The following FHL2 variants were observed in gnomAD, a reference collection of about 807,000 sequenced individuals.
The protein encoded by FHL2 is four and a half LIM domains 2.
In FHL2, 20 loss-of-function variants were observed where a neutral mutation model predicts 32.7. The ratio of observed to expected loss-of-function variants is 0.61; its 90% CI spans 0.43 to 0.89. The LOEUF (loss-of-function observed/expected upper bound fraction) is 0.89. Among genes scored for constraint, FHL2 ranks in the 40% least tolerant of loss-of-function variants. The pLI is 0.00. For missense variants in FHL2, 311 were observed against 358.6 expected, an observed-to-expected ratio of 0.87 and a Z score of 1.07; for synonymous variants, 123 against 128.1, an observed-to-expected ratio of 0.96 and a Z score of 0.27.
intron 3 of FHL2, among the ~76,000 whole-genome samples, chr2:105,381,279 A>G (rs1052322987): frequency 1.3e-5 from 2 of 152,106 alleles, no homozygotes; most frequent in African/African-American, 4.8e-5. Flanking sequence ...CTTACAAATA[A>G]AGATGCAGAA....
Position 105,396,917 on chromosome 2 carries a change from C to A in FHL2, c.-75-220G>T. 3 of 525,948 alleles carry A rather than the reference C, an allele frequency of 5.7e-6. No homozygotes were observed. The South Asian group carries it at 7.9e-5, about 14-fold the overall frequency. The allele number at this position is 525,948 out of a possible 1,614,324, so 32.6% of individuals were successfully genotyped here. On this transcript the variant is annotated intron_variant, in intron 1 of 6. Coordinates refer to ENST00000530340, the MANE Select transcript of FHL2 (RefSeq NM_001318895.3). ...CAGAGAGCCGCTTAGCGACTCAGGC[C>A]CGGTGCTGACAAAGGAGGCTGCCTG...
intron 3 of FHL2, among the ~76,000 whole-genome samples, chr2:105,385,017 G>A (rs752580073): frequency 6.6e-6 from 1 of 152,228 alleles, no homozygotes; most frequent in Non-Finnish European, 1.5e-5. Context: ...ACAGGATACA[G>A]GAAGATACAC....
At chr2:105,395,573 C>T (rs74896692) in intron 2 of FHL2, among the ~76,000 whole-genome samples, 1,790 of 152,276 alleles carry the variant, frequency 0.012, 44 homozygotes, top group African/African-American at 0.042. Flanking sequence ...GTTTCTCTGG[C>T]GCACTGCAAC....
At chr2:105,390,708 A>T (rs1682663634) in intron 2 of FHL2, among the ~76,000 whole-genome samples, 1 of 152,150 alleles carries the variant, frequency 6.6e-6, no homozygotes, top group Non-Finnish European at 1.5e-5. Flanking sequence ...AAAGTCCATG[A>T]GCTAATAAGC....
At chr2:105,359,364 C>T (rs1163613464), downstream of FHL2, 1 of 152,136 alleles carries the variant, frequency 6.6e-6, no homozygotes, top group Non-Finnish European at 1.5e-5. Context: ...TCTTTTTAAG[C>T]AAAACCTCAA....
chr2:105,373,398 C>T lies in FHL2; in HGVS notation c.331+161G>A, dbSNP rs190114272. 1.2e-3 allele frequency: 831 copies of T among 717,150 alleles called. 6 individuals are homozygous for T. The African/African-American group carries it at 0.013, about 11-fold the overall frequency. The allele number at this position is 717,150 out of a possible 1,614,324, so 44.4% of individuals were successfully genotyped here. On this transcript the variant is annotated intron_variant, in intron 4 of 6. Coordinates refer to ENST00000530340, the MANE Select transcript of FHL2 (RefSeq NM_001318895.3). ...TGCCCATGATAGAACCTGTATGTCC[C>T]TGCTTCGTAAGTACTCTAAATACTC...
At chr2:105,387,648 C>A (rs1682417833) in intron 2 of FHL2, among the ~76,000 whole-genome samples, 1 of 152,214 alleles carries the variant, frequency 6.6e-6, no homozygotes, top group Non-Finnish European at 1.5e-5. Flanking sequence ...CATTTATACA[C>A]TGTGGGTGGG....
intron 1 of FHL2, among the ~76,000 whole-genome samples, chr2:105,422,646 C>CAAAA (rs10715306): frequency 7.0e-5 from 8 of 113,968 alleles, no homozygotes; most frequent in African/African-American, 2.5e-4. Context: ...TCATCTCTGG[C>CAAAA]AAAAAAAAAA....
chr2:105,360,924 T>C lies in FHL2; in HGVS notation c.*359A>G, dbSNP rs1680205119. The C allele has an allele frequency of 1.1e-5, 2 of 174,578 alleles. No homozygotes were observed. 10.8% of individuals were successfully genotyped at this position (174,578 alleles called of 1,614,324 possible). A position where few individuals can be genotyped will look rare whatever the true frequency, so the allele number is the denominator to read the frequency against. ...TGTAAATAACAACTGGTCATTACCTTATTGAGTTTAGAAAACTTTCAAGTT... is the reference window on the plus strand; with the variant it reads ...TGTAAATAACAACTGGTCATTACCTCATTGAGTTTAGAAAACTTTCAAGTT... On this transcript the variant is annotated 3_prime_UTR_variant, in exon 7 of 7. Coordinates refer to ENST00000530340, the MANE Select transcript of FHL2 (RefSeq NM_001318895.3).
intron 1 of FHL2, 140 bp from the exon 2 acceptor site, chr2:105,396,837 C>T: frequency 1.4e-6 from 1 of 701,604 alleles, no homozygotes; most frequent in Non-Finnish European, 2.4e-6. Context: ...AACCCAATGT[C>T]TAATGTTTCC....
intron 2 of FHL2, among the ~76,000 whole-genome samples, chr2:105,392,346 C>CA (rs879711564): frequency 1.3e-3 from 203 of 152,204 alleles, no homozygotes; most frequent in Non-Finnish European, 4.1e-4. Flanking sequence ...TGGTGGCATG[C>CA]ATTTGTAGTC....
At chr2:105,369,912 G>C (rs1680903514) in intron 4 of FHL2, among the ~76,000 whole-genome samples, 1 of 152,210 alleles carries the variant, frequency 6.6e-6, no homozygotes, top group Non-Finnish European at 1.5e-5. Flanking sequence ...CATGGCGCGT[G>C]CACCTCAGGC....
upstream of FHL2, among the ~76,000 whole-genome samples, chr2:105,403,493 C>T (rs1019298335): frequency 2.0e-5 from 3 of 152,168 alleles, no homozygotes; most frequent in Non-Finnish European, 2.9e-5. Flanking sequence ...CAGGGAGAGG[C>T]ACAGCTAGGA....
chr2:105,413,863 C>T (rs1683862420), intron 1 of FHL2, among the ~76,000 whole-genome samples: 1 of 152,124 alleles, frequency 6.6e-6, no homozygotes, highest in Non-Finnish European at 1.5e-5. Flanking sequence ...CTCCATATAC[C>T]AAGCAATTCT....
At position 105,363,019 on chromosome 2, in the gene FHL2, C is replaced by T. The variant is rs1054599112; in HGVS notation, c.688+266G>A. Reference sequence around the variant, plus strand: ...ACAGGCTCACAGACTGCAGTTTTAGCGATAATCCAACCCAAAGCAGAAACT... The same window carrying T: ...ACAGGCTCACAGACTGCAGTTTTAGTGATAATCCAACCCAAAGCAGAAACT... On this transcript the variant is annotated intron_variant, in intron 6 of 6. Transcript: ENST00000530340. 8.7e-5 allele frequency: 37 copies of T among 423,998 alleles called. 1 individual carries two copies. The East Asian group carries it at 1.2e-3, about 13-fold the overall frequency. The allele number at this position is 423,998 out of a possible 1,614,324, so 26.3% of individuals were successfully genotyped here.
intron 2 of FHL2, among the ~76,000 whole-genome samples, chr2:105,391,248 G>T (rs925922813): frequency 1.3e-5 from 2 of 152,084 alleles, no homozygotes; most frequent in African/African-American, 4.8e-5. Context: ...TAAAATGCAG[G>T]CCCCTCCCCT....
At chr2:105,416,857 T>C (rs908767494) in intron 1 of FHL2, among the ~76,000 whole-genome samples, 34 of 152,222 alleles carry the variant, frequency 2.2e-4, no homozygotes, top group Admixed American at 2.2e-3. Context: ...ATACTGTCAG[T>C]TGTTTCCCTT....
At chr2:105,388,410 C>G (rs1453094788) in intron 2 of FHL2, among the ~76,000 whole-genome samples, 1 of 152,116 alleles carries the variant, frequency 6.6e-6, no homozygotes, top group Non-Finnish European at 1.5e-5. Flanking sequence ...AAAAAGCCTA[C>G]CACAGGAATA....
intron 1 of FHL2, among the ~76,000 whole-genome samples, chr2:105,435,878 C>T (rs1268541215): frequency 6.6e-6 from 1 of 152,104 alleles, no homozygotes; most frequent in East Asian, 1.9e-4. Flanking sequence ...GAATGAAATT[C>T]TTGCACTTTC....
Sources: gnomAD v4.1 joint callset for allele counts (sites outside exome capture counted in the v4.1 genomes callset) on GRCh38, gnomAD v4.1.1 for gene constraint, MANE v1.5 for transcripts, NCBI Gene and HGNC (gene_info 2026-07-23, HGNC 2026-07-21) for gene names.